ROR2: variants seen among roughly 807,000 people sequenced by gnomAD.
ROR2 encodes ROR family WNT receptor 2.
In ROR2, 33 loss-of-function variants were observed where a neutral mutation model predicts 74.9. That is an observed-to-expected ratio of 0.44 (90% CI 0.33 to 0.59). The LOEUF (loss-of-function observed/expected upper bound fraction) is 0.59, where lower values mean the gene tolerates loss of function less well. Among genes scored for constraint, ROR2 ranks in the 20% least tolerant of loss-of-function variants. The pLI, the probability that ROR2 is intolerant of heterozygous loss-of-function variation, is 0.02. For synonymous variants in ROR2, 586 were observed against 558.7 expected (o/e 1.05, Z -0.69); for missense variants, 1,216 against 1,313.8 (o/e 0.93, Z 1.15).
At chr9:91,919,609 C>A (rs1375456167) in intron 1 of ROR2, among the ~76,000 whole-genome samples, 3 of 152,016 alleles carry the variant, frequency 2.0e-5, no homozygotes, top group African/African-American at 7.2e-5. Context: ...TCTTTCTTAC[C>A]AAATGTGTAC....
chr9:91,770,953 T>C (rs1437331823), intron 2 of ROR2, among the ~76,000 whole-genome samples: 4 of 152,258 alleles, frequency 2.6e-5, no homozygotes, highest in South Asian at 2.1e-4. Context: ...CAGAGACCAA[T>C]AGGCATGGTC....
At chr9:91,811,692 G>T (rs542012085) in intron 1 of ROR2, among the ~76,000 whole-genome samples, 2 of 152,222 alleles carry the variant, frequency 1.3e-5, no homozygotes, top group African/African-American at 4.8e-5. Flanking sequence ...ACAGCCAGGG[G>T]CAGCCCCACA....
At chr9:91,929,755 T>C (rs923620957) in intron 1 of ROR2, among the ~76,000 whole-genome samples, 2 of 149,298 alleles carry the variant, frequency 1.3e-5, no homozygotes, top group Non-Finnish European at 3.0e-5. Flanking sequence ...AAATCAAGAG[T>C]GGGCACCAAA....
At chr9:91,814,364 G>A (rs1308540568) in intron 1 of ROR2, among the ~76,000 whole-genome samples, 1 of 152,154 alleles carries the variant, frequency 6.6e-6, no homozygotes, top group Non-Finnish European at 1.5e-5. Flanking sequence ...GTTCGTCAGA[G>A]GCCACGCACT....
At chr9:91,883,203 T>A (rs1274242785) in intron 1 of ROR2, 1 of 152,192 alleles carries the variant, frequency 6.6e-6, no homozygotes, top group Non-Finnish European at 1.5e-5. Flanking sequence ...CTGTCCTATA[T>A]GGCAAAACTA....
At position 91,735,606 on chromosome 9, in the gene ROR2, C is replaced by CTTTTTTTTTTTTTTTTTTT. The variant is rs35146225; in HGVS notation, c.622+1766_622+1784dup. Among the ~76,000 whole-genome samples the CTTTTTTTTTTTTTTTTTTT allele has an allele frequency of 5.8e-4, 46 of 79,010 alleles. 1 individual carries two copies. Among genetic ancestry groups the CTTTTTTTTTTTTTTTTTTT allele is most frequent in the Non-Finnish European group, 8.4e-4 (35 of 41,740 alleles). The allele number at this position is 79,010 out of a possible 152,430, so 51.8% of individuals were successfully genotyped here. ...GCACGGTTCCTACTAAGGGCTCTAA[C>CTTTTTTTTTTTTTTTTTTT]TTTTTTTTTTTTTTTTTTTTTTTTT... On this transcript the variant is annotated intron_variant, in intron 5 of 8. Coordinates refer to ENST00000375708, the MANE Select transcript of ROR2 (RefSeq NM_004560.4).
At chr9:91,949,753 T>A in intron 1 of ROR2, 114 bp downstream of exon 1, 1 of 730,010 alleles carries the variant, frequency 1.4e-6, no homozygotes, top group Non-Finnish European at 2.4e-6. Flanking sequence ...CTGGCGCCCC[T>A]CGTTCAGGAG....
intron 1 of ROR2, among the ~76,000 whole-genome samples, chr9:91,927,559 A>ATTTTTTTTTTTTTTT (rs1186182004): frequency 2.0e-5 from 2 of 100,134 alleles, no homozygotes; most frequent in Non-Finnish European, 4.4e-5. Context: ...TGTTTTCTAG[A>ATTTTTTTTTTTTTTT]TTCTTTTTTT....
chr9:91,792,760 T>C (rs1030167846), intron 1 of ROR2, among the ~76,000 whole-genome samples: 31 of 152,164 alleles, frequency 2.0e-4, no homozygotes, highest in African/African-American at 7.0e-4. Flanking sequence ...TTAAGAACAA[T>C]TGTGTCCCAA....
In ROR2 at chr9:91,905,742, G is replaced by A. The variant is rs1031795832; in HGVS notation, c.97+44125C>T. Among the ~76,000 whole-genome samples the A allele has an allele frequency of 7.5e-6, 1 of 132,632 alleles. No homozygotes were observed. Among genetic ancestry groups the A allele is most frequent in the African/African-American group, 2.7e-5 (1 of 36,708 alleles). The allele number at this position is 132,632 out of a possible 152,430, so 87.0% of individuals were successfully genotyped here. ...TGGTAGATAAATGGGGGTGGGGGGA[G>A]GGGCCATCACACTCTTTAGGGAGAG... On this transcript the variant is annotated intron_variant, in intron 1 of 8. Coordinates refer to ENST00000375708, the MANE Select transcript of ROR2 (RefSeq NM_004560.4). The surrounding 1 kb of genome is among the most constrained non-coding windows in gnomAD (Gnocchi z 5.3).
chr9:91,775,896 A>G, intron 1 of ROR2, 78 bp from the exon 2 acceptor site: 4 of 1,229,818 alleles, frequency 3.3e-6, no homozygotes, highest in Non-Finnish European at 4.7e-6. Flanking sequence ...ATGCAAAGAC[A>G]ACAGCATTCT....
rs192805085 is a variant in ROR2 at position 91,844,840 on chromosome 9, C to T, written c.98-69022G>A. On this transcript the variant is annotated intron_variant, in intron 1 of 8. Coordinates refer to ENST00000375708, the MANE Select transcript of ROR2 (RefSeq NM_004560.4). ...CCACGGTATACAGAATAGCAAGCCTCGCCCCAGGTCCTTGCATGCTCCCAT... is the reference window on the plus strand; with the variant it reads ...CCACGGTATACAGAATAGCAAGCCTTGCCCCAGGTCCTTGCATGCTCCCAT... Among the ~76,000 whole-genome samples the T allele has an allele frequency of 2.8e-3, 426 of 152,266 alleles. 2 individuals are homozygous for T. The highest frequency in any genetic ancestry group is 9.1e-3 in the African/African-American group (378 of 41,552).
At chr9:91,842,736 C>T (rs1828820397) in intron 1 of ROR2, among the ~76,000 whole-genome samples, 1 of 152,374 alleles carries the variant, frequency 6.6e-6, no homozygotes, top group East Asian at 1.9e-4. Flanking sequence ...GGGCTCCTGC[C>T]ACCCCCCTCC....
intron 1 of ROR2, among the ~76,000 whole-genome samples, chr9:91,820,287 G>A (rs73515164): frequency 0.028 from 4,212 of 152,226 alleles, 150 homozygotes; most frequent in African/African-American, 0.076. Flanking sequence ...CTCAAGACCC[G>A]AGCAAAGCCA....
chr9:91,822,523 T>C (rs1022792601), intron 1 of ROR2, among the ~76,000 whole-genome samples: 3 of 152,214 alleles, frequency 2.0e-5, no homozygotes, highest in South Asian at 2.1e-4. Flanking sequence ...CAGCCATCAA[T>C]GATTCTCAAA....
At chr9:91,780,661 G>A (rs1014190813) in intron 1 of ROR2, among the ~76,000 whole-genome samples, 2 of 152,042 alleles carry the variant, frequency 1.3e-5, no homozygotes, top group African/African-American at 4.8e-5. Context: ...CGTGGTGGCA[G>A]GTGCCTGTAA....
At chr9:91,882,464 C>G (rs981423109) in intron 1 of ROR2, among the ~76,000 whole-genome samples, 2 of 151,016 alleles carry the variant, frequency 1.3e-5, no homozygotes, top group African/African-American at 4.9e-5. Flanking sequence ...CCCATGAGAG[C>G]TGGAAGGTGG....
chr9:91,851,801 CCT>C (rs1413465123), intron 1 of ROR2, among the ~76,000 whole-genome samples: 15 of 151,952 alleles, frequency 9.9e-5, no homozygotes, highest in African/African-American at 2.7e-4. Flanking sequence ...AGAGCGAAAC[CCT>C]GTCTCTACTA....
intron 1 of ROR2, among the ~76,000 whole-genome samples, chr9:91,786,253 G>A (rs1357551434): frequency 6.6e-6 from 1 of 151,322 alleles, no homozygotes. Flanking sequence ...CTTGAGCCTG[G>A]GAGGTTGAGG....
Sources: allele counts gnomAD v4.1 joint callset (sites outside exome capture counted in the v4.1 genomes callset), GRCh38; gene constraint gnomAD v4.1.1; non-coding constraint Gnocchi (gnomAD v3.1); transcripts MANE v1.5; gene names NCBI Gene and HGNC (gene_info 2026-07-23, HGNC 2026-07-21).